PXDNL: variants seen among roughly 807,000 people sequenced by gnomAD.
PXDNL encodes the protein peroxidasin like, also known as probable oxidoreductase PXDNL.
In PXDNL, 145 loss-of-function variants were observed where a neutral mutation model predicts 150.8. That is an observed-to-expected ratio of 0.96 (90% CI 0.84 to 1.10). The LOEUF (loss-of-function observed/expected upper bound fraction) is 1.10. Ranked by LOEUF, PXDNL falls within the 50% of genes least tolerant of loss-of-function variation. The probability of loss-of-function intolerance (pLI) is 0.00; values close to 1 mark genes in which losing one functional copy is unlikely to be tolerated. For missense variants in PXDNL, 2,087 were observed against 1,873.9 expected, an observed-to-expected ratio of 1.11 and a Z score of -2.10; for synonymous variants, 757 against 725.7, an observed-to-expected ratio of 1.04 and a Z score of -0.69.
At chr8:51,528,392 T>C (rs1811811915) in intron 4 of PXDNL, among the ~76,000 whole-genome samples, 1 of 150,664 alleles carries the variant, frequency 6.6e-6, no homozygotes, top group Non-Finnish European at 1.5e-5. Flanking sequence ...TAAAATGTTT[T>C]ATATGAATTA....
chr8:51,340,836 A>G (rs1219679), intron 20 of PXDNL, among the ~76,000 whole-genome samples: 68,330 of 152,232 alleles, frequency 0.45, 18,976 homozygotes, highest in African/African-American at 0.8. Flanking sequence ...CAGTTTAAAT[A>G]TACAAGTATT....
At chr8:51,808,149 G>A (rs747193097) in intron 1 of PXDNL, among the ~76,000 whole-genome samples, 7 of 152,166 alleles carry the variant, frequency 4.6e-5, no homozygotes, top group Non-Finnish European at 7.3e-5. Flanking sequence ...TGACAAATGT[G>A]TGGCAATGAT....
chr8:51,522,663 A>G (rs1811686653), intron 4 of PXDNL, among the ~76,000 whole-genome samples: 1 of 151,970 alleles, frequency 6.6e-6, no homozygotes, highest in African/African-American at 2.4e-5. Context: ...GGCCAACATG[A>G]TGAAACCCCA....
chr8:51,321,335 AGGG>A (rs1805307970), intron 21 of PXDNL, among the ~76,000 whole-genome samples: 1 of 152,220 alleles, frequency 6.6e-6, no homozygotes, highest in African/African-American at 2.4e-5. Flanking sequence ...CAAGCAGACC[AGGG>A]TCTCTCCAAC....
At chr8:51,511,419 C>G (rs545651451) in intron 4 of PXDNL, among the ~76,000 whole-genome samples, 1 of 152,296 alleles carries the variant, frequency 6.6e-6, no homozygotes, top group Admixed American at 6.5e-5. Context: ...AATAGAGGGG[C>G]TGGTTGCTGA....
intron 2 of PXDNL, among the ~76,000 whole-genome samples, chr8:51,620,894 A>T (rs968980745): frequency 6.6e-6 from 1 of 152,114 alleles, no homozygotes; most frequent in Non-Finnish European, 1.5e-5. Flanking sequence ...CAACTGAATA[A>T]ATTCCTTTTG....
At chr8:51,516,152 T>C (rs868778634) in intron 4 of PXDNL, among the ~76,000 whole-genome samples, 1 of 152,304 alleles carries the variant, frequency 6.6e-6, no homozygotes, top group African/African-American at 2.4e-5. Flanking sequence ...TATGTAACTT[T>C]AAAAAACAAA....
At chr8:51,416,209 G>A (rs1189527339) in intron 14 of PXDNL, among the ~76,000 whole-genome samples, 4 of 152,316 alleles carry the variant, frequency 2.6e-5, no homozygotes, top group South Asian at 4.1e-4. Context: ...AAAGGTCTAC[G>A]TGGATTTGGA....
intron 4 of PXDNL, among the ~76,000 whole-genome samples, chr8:51,547,108 T>C (rs1812377561): frequency 2.0e-5 from 3 of 152,162 alleles, no homozygotes; most frequent in South Asian, 2.1e-4. Context: ...GGGAGCTCTA[T>C]GGCCCTGCCC....
intron 1 of PXDNL, among the ~76,000 whole-genome samples, chr8:51,781,182 G>T (rs1004254864): frequency 6.6e-6 from 1 of 152,166 alleles, no homozygotes; most frequent in Non-Finnish European, 1.5e-5. Flanking sequence ...ATGCATTGTG[G>T]AAAGGAGACC....
intron 1 of PXDNL, among the ~76,000 whole-genome samples, chr8:51,792,894 T>C (rs766772449): frequency 6.6e-6 from 1 of 152,196 alleles, no homozygotes; most frequent in Non-Finnish European, 1.5e-5. Context: ...GCAGACTTAG[T>C]CTTTACCCCT....
chr8:51,578,137 TGA>T (rs966013327), intron 3 of PXDNL, among the ~76,000 whole-genome samples: 2 of 100,978 alleles, frequency 2.0e-5, no homozygotes, highest in Admixed American at 1.8e-4. Flanking sequence ...AAAGAAAGAG[TGA>T]GAGAGAGAGA....
chr8:51,423,171 T>C (rs1037476511), intron 14 of PXDNL, among the ~76,000 whole-genome samples: 9 of 152,188 alleles, frequency 5.9e-5, no homozygotes, highest in African/African-American at 2.2e-4. Context: ...GGGAGTTTGA[T>C]GGATTGATTT....
chr8:51,451,159 C>T (rs1488864229), intron 10 of PXDNL, among the ~76,000 whole-genome samples: 1 of 151,108 alleles, frequency 6.6e-6, no homozygotes, highest in Non-Finnish European at 1.5e-5. Flanking sequence ...AAAATATTAA[C>T]ATTTAATAAC....
At chr8:51,326,327 A>T (rs1047045411) in intron 21 of PXDNL, among the ~76,000 whole-genome samples, 3 of 152,076 alleles carry the variant, frequency 2.0e-5, no homozygotes, top group Non-Finnish European at 2.9e-5. Flanking sequence ...GTGAAACCCC[A>T]TCTCTGCTAA....
At chr8:51,476,089 C>A (rs1810468599) in intron 6 of PXDNL, among the ~76,000 whole-genome samples, 1 of 149,802 alleles carries the variant, frequency 6.7e-6, no homozygotes, top group African/African-American at 2.5e-5. Flanking sequence ...AGAGTGTGAC[C>A]CTGTCCCAAA....
At chr8:51,397,863 T>C (rs1027614687) in intron 17 of PXDNL, among the ~76,000 whole-genome samples, 2 of 152,076 alleles carry the variant, frequency 1.3e-5, no homozygotes, top group African/African-American at 4.8e-5. Context: ...CATTAACTCG[T>C]CTTTTAGCAT....
At chr8:51,579,308 T>C (rs73588763) in intron 3 of PXDNL, among the ~76,000 whole-genome samples, 7,820 of 152,002 alleles carry the variant, frequency 0.051, 471 homozygotes, top group African/African-American at 0.15. Context: ...TGAGCAGACA[T>C]GAATAGAAGA....
chr8:51,468,150 A>C (rs1429349691), intron 8 of PXDNL, among the ~76,000 whole-genome samples: 3 of 152,014 alleles, frequency 2.0e-5, no homozygotes, highest in Non-Finnish European at 4.4e-5. Flanking sequence ...CTTTGTATGT[A>C]GTAGATATCA....
Sources: gnomAD v4.1 joint callset for allele counts (sites outside exome capture counted in the v4.1 genomes callset) on GRCh38, gnomAD v4.1.1 for gene constraint, MANE v1.5 for transcripts, NCBI Gene and HGNC (gene_info 2026-07-23, HGNC 2026-07-21) for gene names.